BRD4: variants seen among roughly 807,000 people sequenced by gnomAD.
The protein encoded by BRD4 is bromodomain containing 4.
Under a neutral mutation model 142.1 loss-of-function variants are expected in BRD4, and 16 were observed. The observed-to-expected ratio is 0.11, with a 90% CI of 0.08 to 0.17. The LOEUF (loss-of-function observed/expected upper bound fraction) is 0.17, where lower values mean the gene tolerates loss of function less well. Ranked by LOEUF, BRD4 falls within the 10% of genes least tolerant of loss-of-function variation. The pLI, the probability that BRD4 is intolerant of heterozygous loss-of-function variation, is 1.00. For missense variants in BRD4, 1,424 were observed against 1,810.9 expected, an observed-to-expected ratio of 0.79 and a Z score of 3.88; for synonymous variants, 833 against 707.5, an observed-to-expected ratio of 1.18 and a Z score of -2.82.
At chr19:15,267,314 T>C (rs769063298) in intron 4 of BRD4, 102 bp downstream of exon 4, 179 of 1,421,402 alleles carry the variant, frequency 1.3e-4, no homozygotes, top group Non-Finnish European at 1.7e-4. Flanking sequence ...GCATGCAGTA[T>C]ATAATGTCAC....
In BRD4 at chr19:15,238,274, G is replaced by A; in HGVS notation, c.*103C>T. On this transcript the variant is annotated 3_prime_UTR_variant, in exon 20 of 20. Transcript: ENST00000679869. This position sits in a 1 kb window ranked among gnomAD's most constrained non-coding sequence, Gnocchi z 7.2. ...ATAGCATGCAGGAGGGCCAGGCCCT[G>A]AGGCATCCCCTGGCCGCTGATCCCA... is the stretch of plus-strand genomic sequence containing the variant. 1 of 1,563,422 alleles carries A rather than the reference G, an allele frequency of 6.4e-7. No individual in the cohort carries two copies.
At chr19:15,247,264 GCCGCCT>G (rs1475599883) in intron 11 of BRD4, 1 of 231,552 alleles carries the variant, frequency 4.3e-6, no homozygotes, top group African/African-American at 2.2e-5. Flanking sequence ...GCACTGAGCG[GCCGCCT>G]CCCGCCCCTC....
Position 15,264,520 on chromosome 19 carries a change from C to T in BRD4, c.1096G>A (p.Ala366Thr). 1 of 1,614,200 alleles carries T rather than the reference C, an allele frequency of 6.2e-7. No homozygotes were observed. The change falls in exon 6 of 20, where the codon GCC (alanine) becomes ACC (threonine). Residue 366 changes from alanine (A) to threonine (T), a missense_variant. Ala to Thr is a moderately conservative substitution (Grantham distance 58). Coordinates refer to ENST00000679869, the MANE Select transcript of BRD4 (RefSeq NM_001379291.1). ...CAGGCGTAGGCGGCGTGCTTCTTGGCAAACATCTCCTTGAGGATGCCGCTG... is the reference window on the plus strand; with the variant it reads ...CAGGCGTAGGCGGCGTGCTTCTTGGTAAACATCTCCTTGAGGATGCCGCTG... ...CCSGILKEMF[A>T]KKHAAYAWPF...
Position 15,239,297 on chromosome 19 carries a change from G to A in BRD4, c.3577-33C>T. On this transcript the variant is annotated intron_variant, in intron 17 of 19. Coordinates refer to ENST00000679869, the MANE Select transcript of BRD4 (RefSeq NM_001379291.1). The surrounding 1 kb of genome is among the most constrained non-coding windows in gnomAD (Gnocchi z 7.4). ...ACAGAGAGGTTGGGGTGGGTGAGGGGTCTGCTGTGCCTAAAGGGCATAGCT... is the reference window on the plus strand; with the variant it reads ...ACAGAGAGGTTGGGGTGGGTGAGGGATCTGCTGTGCCTAAAGGGCATAGCT... 6.2e-7 allele frequency: 1 copy of A among 1,613,552 alleles called. No individual in the cohort carries two copies. Among genetic ancestry groups the A allele is most frequent in the Non-Finnish European group, 8.5e-7 (1 of 1,179,772 alleles).
rs1316031943 is a variant in BRD4 at position 15,237,952 on chromosome 19, T to C, written c.*425A>G. On this transcript the variant is annotated 3_prime_UTR_variant, in exon 20 of 20. Coordinates refer to ENST00000679869, the MANE Select transcript of BRD4 (RefSeq NM_001379291.1). ...GGAGCGGGCGGCGATGGCTGGGGTG[T>C]GGGGAAAGACTCCCGGCGGGCAGGA... 4.2e-6 allele frequency: 1 copy of C among 240,650 alleles called. No homozygotes were observed. The highest frequency in any genetic ancestry group is 2.2e-5 in the African/African-American group (1 of 45,182). 14.9% of individuals were successfully genotyped at this position (240,650 alleles called of 1,614,324 possible). A position where few individuals can be genotyped will look rare whatever the true frequency, so the allele number is the denominator to read the frequency against.
chr19:15,302,801 C>T (rs10426034), intron 1 of BRD4, among the ~76,000 whole-genome samples: 82,599 of 150,900 alleles, frequency 0.55, 22,638 homozygotes, highest in East Asian at 0.64. Flanking sequence ...GTTAGGAGAT[C>T]GAGACCATCC....
intron 11 of BRD4, chr19:15,253,821 G>C (rs2145563906): frequency 6.5e-7 from 1 of 1,537,762 alleles, no homozygotes; most frequent in Non-Finnish European, 8.8e-7. Context: ...GCACAGCCTG[G>C]ACCCCCACGC....
chr19:15,256,291 C>T, intron 8 of BRD4, 28 bp from the exon 9 acceptor site: 2 of 1,597,902 alleles, frequency 1.3e-6, no homozygotes, highest in Non-Finnish European at 8.5e-7. Flanking sequence ...AAGACACACA[C>T]TCAGGGCTGA....
At chr19:15,247,348 A>C (rs2047297921) in intron 11 of BRD4, 1 of 231,642 alleles carries the variant, frequency 4.3e-6, no homozygotes, top group Non-Finnish European at 8.5e-6. Context: ...GGCTGCCAAC[A>C]AGAAGTGAGT....
At chr19:15,265,679 T>G (rs780917751) in intron 4 of BRD4, 36 bp from the exon 5 acceptor site, 1 of 1,611,570 alleles carries the variant, frequency 6.2e-7, no homozygotes, top group Non-Finnish European at 8.5e-7. Context: ...TTAGAGACCA[T>G]GCTGACATCC....
chr19:15,262,524 TAAAAA>T (rs559468375), intron 7 of BRD4, among the ~76,000 whole-genome samples: 1 of 97,800 alleles, frequency 1.0e-5, no homozygotes, highest in South Asian at 3.2e-4. Context: ...CCCATCTCTT[TAAAAA>T]AAAAAAAAAA....
rs1043164418 is a variant in BRD4, at chr19:15,272,695, C to T, written c.285+120G>A. 6.5e-6 allele frequency: 6 copies of T among 919,066 alleles called. No homozygotes were observed. The African/African-American group carries it at 8.3e-5, about 13-fold the overall frequency. The allele number at this position is 919,066 out of a possible 1,614,324, so 56.9% of individuals were successfully genotyped here. A position where few individuals can be genotyped will look rare whatever the true frequency, so the allele number is the denominator to read the frequency against. On this transcript the variant is annotated intron_variant, in intron 2 of 19. Coordinates refer to ENST00000679869, the MANE Select transcript of BRD4 (RefSeq NM_001379291.1). ...TGAAACCACTCACTCAAGGGCCCTG[C>T]AGCTCTCACCATGATTCCAAATGCA... is the stretch of plus-strand genomic sequence containing the variant.
intron 4 of BRD4, 100 bp from the exon 5 acceptor site, chr19:15,265,743 G>C: frequency 7.7e-7 from 1 of 1,292,920 alleles, no homozygotes; most frequent in Non-Finnish European, 1.1e-6. Context: ...ACGCACATTC[G>C]CGTGTTGCAT....
At chr19:15,319,026 G>A (rs930525435) in intron 1 of BRD4, among the ~76,000 whole-genome samples, 1 of 152,148 alleles carries the variant, frequency 6.6e-6, no homozygotes, top group African/African-American at 2.4e-5. Context: ...TAAATGTCTA[G>A]AAAAGTAAGA....
chr19:15,253,588 T>A, intron 11 of BRD4: 1 of 1,587,556 alleles, frequency 6.3e-7, no homozygotes, highest in South Asian at 1.1e-5. Context: ...ACGAGCACAC[T>A]CTGGGGAGGG....
chr19:15,253,757 A>G, intron 11 of BRD4: 1 of 1,598,172 alleles, frequency 6.3e-7, no homozygotes. Context: ...GGCCCTGGGG[A>G]CACGAAGTCT....
intron 1 of BRD4, among the ~76,000 whole-genome samples, chr19:15,326,945 G>C (rs547483925): frequency 6.6e-6 from 1 of 152,336 alleles, no homozygotes; most frequent in East Asian, 1.9e-4. Context: ...GCATCTCCGA[G>C]ACTGTTCTCT....
intron 1 of BRD4, among the ~76,000 whole-genome samples, chr19:15,302,466 C>T (rs1471336880): frequency 6.6e-6 from 1 of 151,764 alleles, no homozygotes; most frequent in Non-Finnish European, 1.5e-5. Context: ...GTCAACAGAT[C>T]AAGGCCAGCC....
At chr19:15,278,606 T>G (rs187445322) in intron 1 of BRD4, among the ~76,000 whole-genome samples, 2,453 of 100,218 alleles carry the variant, frequency 0.024, 27 homozygotes, top group Non-Finnish European at 0.044. Flanking sequence ...TATATTCCTG[T>G]TTTTTTTTTT....
Sources: gnomAD v4.1 joint callset for allele counts (sites outside exome capture counted in the v4.1 genomes callset) on GRCh38, gnomAD v4.1.1 for gene constraint, Gnocchi (gnomAD v3.1) non-coding constraint, MANE v1.5 for transcripts, NCBI Gene and HGNC (gene_info 2026-07-23, HGNC 2026-07-21) for gene names.